The following HTR4 variants were observed in gnomAD, a reference collection of about 807,000 sequenced individuals.
The protein encoded by HTR4 is 5-hydroxytryptamine (serotonin) receptor 4, G protein-coupled.
HTR4 carries 16 observed loss-of-function variants against 36.8 expected under a neutral mutation model. The observed-to-expected ratio is 0.43, with a 90% CI of 0.29 to 0.66. HTR4 has a LOEUF of 0.66. Ranked by LOEUF, HTR4 falls within the 30% of genes least tolerant of loss-of-function variation. HTR4 has a pLI of 0.13. For synonymous variants in HTR4, 189 were observed against 185.1 expected, an observed-to-expected ratio of 1.02 and a Z score of -0.17; for missense variants, 438 against 490.9, an observed-to-expected ratio of 0.89 and a Z score of 1.02.
intron 6 of HTR4, among the ~76,000 whole-genome samples, chr5:148,504,709 G>T (rs1488913785): frequency 1.3e-5 from 2 of 152,060 alleles, no homozygotes; most frequent in South Asian, 2.1e-4. Flanking sequence ...CCAGGAGCTG[G>T]TTTTTTGAAA....
intron 2 of HTR4, among the ~76,000 whole-genome samples, chr5:148,571,341 G>T (rs1355040881): frequency 6.6e-5 from 10 of 151,996 alleles, no homozygotes; most frequent in Non-Finnish European, 1.5e-4. Flanking sequence ...TGTCCATGGT[G>T]GTGACTTAAT....
At chr5:148,548,611 T>C in intron 4 of HTR4, 57 bp downstream of exon 4, 1 of 1,334,240 alleles carries the variant, frequency 7.5e-7, no homozygotes, top group Non-Finnish European at 1.1e-6. Context: ...CTGCCCAATA[T>C]CCATCAAGTC....
At chr5:148,586,227 C>G (rs748751585) in intron 2 of HTR4, among the ~76,000 whole-genome samples, 8 of 152,120 alleles carry the variant, frequency 5.3e-5, no homozygotes, top group Non-Finnish European at 1.0e-4. Flanking sequence ...CCAATAACTA[C>G]TTGTCAAAAG....
At chr5:148,485,220 T>A (rs968063385) in intron 6 of HTR4, among the ~76,000 whole-genome samples, 3 of 152,208 alleles carry the variant, frequency 2.0e-5, no homozygotes, top group African/African-American at 7.2e-5. Context: ...GAATGCAGTA[T>A]GTGCCTTAAT....
At chr5:148,521,047 G>A (rs960198614) in intron 5 of HTR4, 10 of 1,352,206 alleles carry the variant, frequency 7.4e-6, no homozygotes, top group Admixed American at 2.0e-5. Flanking sequence ...GGGTCCTGTT[G>A]CTCTTAATCT....
At chr5:148,497,172 G>T (rs991919434) in intron 6 of HTR4, among the ~76,000 whole-genome samples, 2 of 152,036 alleles carry the variant, frequency 1.3e-5, no homozygotes, top group African/African-American at 4.8e-5. Context: ...TGCTTCTGTG[G>T]ATGGTGTTTT....
intron 2 of HTR4, among the ~76,000 whole-genome samples, chr5:148,573,715 G>A (rs2113885445): frequency 6.6e-6 from 1 of 152,066 alleles, no homozygotes; most frequent in African/African-American, 2.4e-5. Flanking sequence ...AGGCATTCTA[G>A]CATTTGTCTT....
At chr5:148,465,717 C>A in intron 5 of HTR4, 2 of 1,182,106 alleles carry the variant, frequency 1.7e-6, no homozygotes, top group Non-Finnish European at 2.3e-6. Context: ...CTCTGCAGTT[C>A]TGTGCCAACA....
At chr5:148,586,662 G>A (rs552066877) in intron 2 of HTR4, among the ~76,000 whole-genome samples, 2 of 152,218 alleles carry the variant, frequency 1.3e-5, no homozygotes, top group East Asian at 3.9e-4. Context: ...AGATTTGGGT[G>A]GGGATAGAGC....
intron 6 of HTR4, among the ~76,000 whole-genome samples, chr5:148,500,167 A>G (rs1756873280): frequency 6.6e-6 from 1 of 152,140 alleles, no homozygotes; most frequent in Non-Finnish European, 1.5e-5. Context: ...TCCAAGAGAC[A>G]CCTATATGGG....
At position 148,579,326 on chromosome 5, in the gene HTR4, G is replaced by A. The variant is rs143217134; in HGVS notation, c.27-29064C>T. 1.9e-3 allele frequency among the ~76,000 whole-genome samples: 295 copies of A among 151,992 alleles called. 7 individuals carry two copies. In the East Asian group the frequency reaches 0.032, roughly 16 times the overall value. Reference sequence around the variant, plus strand: ...GCTTCAAATTTATCACATCATCTACGTTATACTTGCAGTTAGTCTACTTCT... The same window carrying A: ...GCTTCAAATTTATCACATCATCTACATTATACTTGCAGTTAGTCTACTTCT... On this transcript the variant is annotated intron_variant, in intron 2 of 6. Transcript: ENST00000377888.
In HTR4 at chr5:148,534,360, C is replaced by T. The variant is rs551445797; in HGVS notation, c.354-11014G>A. Among the ~76,000 whole-genome samples the T allele has an allele frequency of 5.8e-4, 88 of 152,304 alleles. No homozygotes were observed. In the South Asian group the frequency reaches 0.018, roughly 31 times the overall value. On this transcript the variant is annotated intron_variant, in intron 4 of 6. Transcript: ENST00000377888. ...GATCCAAGGTGACTAGCAACTGGAG[C>T]AGGCCCCCAGCATACTGCAGTAGCC...
chr5:148,572,813 C>T (rs1760729530), intron 2 of HTR4, among the ~76,000 whole-genome samples: 1 of 152,030 alleles, frequency 6.6e-6, no homozygotes, highest in Admixed American at 6.6e-5. Flanking sequence ...TTTCACTGTC[C>T]CTCACCCTCC....
At chr5:148,603,933 C>G (rs1460206648) in intron 2 of HTR4, among the ~76,000 whole-genome samples, 1 of 152,054 alleles carries the variant, frequency 6.6e-6, no homozygotes, top group Non-Finnish European at 1.5e-5. Flanking sequence ...AGAAAAAAGA[C>G]TTTTCAATGA....
chr5:148,538,483 A>G (rs1331996136), intron 4 of HTR4, among the ~76,000 whole-genome samples: 2 of 152,142 alleles, frequency 1.3e-5, no homozygotes, highest in African/African-American at 4.8e-5. Context: ...ACCCCATAGT[A>G]TTGCCCCAAA....
rs983073313 is a variant in HTR4 at position 148,526,826 on chromosome 5, G to A, written c.354-3480C>T. On this transcript the variant is annotated intron_variant, in intron 4 of 6. Transcript: ENST00000377888. The stretch of plus-strand genomic sequence containing the variant: ...CTCATGTGAGGGAGCTAAGAAAATT[G>A]ATCTCATGGAGGTAAAGCATAAAAT... Among the ~76,000 whole-genome samples, 6 of 152,060 alleles carry A rather than the reference G, an allele frequency of 3.9e-5. No homozygotes were observed. The South Asian group carries it at 1.2e-3, about 32-fold the overall frequency.
At chr5:148,645,084 T>C (rs554103634) in intron 1 of HTR4, 44 of 152,336 alleles carry the variant, frequency 2.9e-4, no homozygotes, top group African/African-American at 9.6e-4. Flanking sequence ...TTAATTGATC[T>C]AAAGAAAAAT....
chr5:148,523,306 T>C lies in HTR4; in HGVS notation c.394A>G (p.Lys132Glu). Residue 132 changes from lysine (K) to glutamate (E), a missense_variant, in exon 5 of 7, where the codon AAG becomes GAG. Coordinates refer to ENST00000377888, the MANE Select transcript of HTR4 (RefSeq NM_000870.7). ...AATGCGATGCGCAGAGGGGTCATCT[T>C]GTTCCTATAGACCAAAGGCTGGCAG... ...ICCQPLVYRN[K>E]MTPLRIALML... The C allele has an allele frequency of 6.2e-7, 1 of 1,613,166 alleles. No homozygotes were observed. Among genetic ancestry groups the C allele is most frequent in the Non-Finnish European group, 8.5e-7 (1 of 1,179,684 alleles).
chr5:148,606,705 T>C (rs993160883), intron 2 of HTR4, among the ~76,000 whole-genome samples: 4 of 152,234 alleles, frequency 2.6e-5, no homozygotes, highest in African/African-American at 9.6e-5. Flanking sequence ...CTGAGTTATT[T>C]TAAATTTTAT....
Sources: gnomAD v4.1 joint callset for allele counts (sites outside exome capture counted in the v4.1 genomes callset) on GRCh38, gnomAD v4.1.1 for gene constraint, MANE v1.5 for transcripts, NCBI Gene and HGNC (gene_info 2026-07-23, HGNC 2026-07-21) for gene names.